BNIP2: variants seen among roughly 807,000 people sequenced by gnomAD.
The protein encoded by BNIP2 is BCL2 interacting protein 2, also known as BCL2/adenovirus E1B 19 kDa protein-interacting protein 2.
A neutral mutation model predicts 43.4 loss-of-function variants in BNIP2; 36 were observed. The ratio of observed to expected loss-of-function variants is 0.83; its 90% CI spans 0.64 to 1.10. The LOEUF is 1.10. BNIP2 is among the 50% of genes least tolerant of loss of function. The pLI is 0.00. For synonymous variants in BNIP2, 146 were observed against 121.0 expected (o/e 1.21, Z -1.35); for missense variants, 417 against 374.1 (o/e 1.11, Z -0.95).
chr15:59,669,372 A>T lies in BNIP2; in HGVS notation c.708-10T>A, dbSNP rs756532689. 18 of 1,241,112 alleles carry T rather than the reference A, an allele frequency of 1.5e-5. No homozygotes were observed. The East Asian group carries it at 2.3e-4, about 16-fold the overall frequency. 76.9% of individuals were successfully genotyped at this position (1,241,112 alleles called of 1,614,324 possible). On this transcript the variant is annotated splice_polypyrimidine_tract_variant and intron_variant, in intron 7 of 9. Transcript: ENST00000607373. ...TAGATTTTTCCGTAACCTGGAGTTT[A>T]AAAAAAAAACACACACACACAAAGA...
At chr15:59,677,811 G>C in intron 5 of BNIP2, 100 bp downstream of exon 5, 3 of 1,417,730 alleles carry the variant, frequency 2.1e-6, no homozygotes, top group Non-Finnish European at 2.8e-6. Context: ...CCTGTGTTCT[G>C]TACAGGGCTT....
intron 5 of BNIP2, among the ~76,000 whole-genome samples, chr15:59,674,665 A>G (rs1307357591): frequency 1.3e-5 from 2 of 152,156 alleles, no homozygotes; most frequent in Non-Finnish European, 2.9e-5. Context: ...AAAAAAAATC[A>G]ATCTGCTTGA....
Position 59,662,338 on chromosome 15 carries a change from T to G in BNIP2, c.*1731A>C, listed in dbSNP as rs149255188. 3.3e-5 allele frequency: 5 copies of G among 152,338 alleles called. No individual in the cohort carries two copies. Among genetic ancestry groups the G allele is most frequent in the Non-Finnish European group, 5.9e-5 (4 of 68,026 alleles). The allele number at this position is 152,338 out of a possible 1,614,324, so 9.4% of individuals were successfully genotyped here. A position where few individuals can be genotyped will look rare whatever the true frequency, so the allele number is the denominator to read the frequency against. On this transcript the variant is annotated 3_prime_UTR_variant, in exon 10 of 10. Coordinates refer to ENST00000607373, the MANE Select transcript of BNIP2 (RefSeq NM_004330.4). ...GAATGCCTAACTTGTTATTGTTAGTTTGCTTCTTCAACAACAAGTGTTCCT... is the reference window on the plus strand; with the variant it reads ...GAATGCCTAACTTGTTATTGTTAGTGTGCTTCTTCAACAACAAGTGTTCCT...
At chr15:59,672,527 C>T in intron 6 of BNIP2, 110 bp downstream of exon 6, 1 of 759,038 alleles carries the variant, frequency 1.3e-6, no homozygotes, top group Non-Finnish European at 2.1e-6. Flanking sequence ...CCACTTCAGT[C>T]TCCCAAAGAA....
intron 4 of BNIP2, 125 bp downstream of exon 4, chr15:59,679,467 T>C: frequency 8.8e-7 from 1 of 1,141,618 alleles, no homozygotes; most frequent in Non-Finnish European, 1.2e-6. Flanking sequence ...CTTGAGAATA[T>C]TCAAGGGTTA....
chr15:59,680,664 G>A (rs1391753699), intron 2 of BNIP2, among the ~76,000 whole-genome samples: 3 of 152,236 alleles, frequency 2.0e-5, no homozygotes, highest in Non-Finnish European at 2.9e-5. Context: ...ACCTCCCTAA[G>A]TGTTGGGATT....
chr15:59,689,259 C>G lies in BNIP2; in HGVS notation c.-182G>C. The G allele has an allele frequency of 6.5e-7, 1 of 1,544,382 alleles. No individual in the cohort carries two copies. On this transcript the variant is annotated 5_prime_UTR_variant, in exon 1 of 10. Transcript: ENST00000607373. ...CTCCCCTCGGTCGGCGGTGGAGACC[C>G]CGGCCCAATCCCCCGGCCGCAGCGG...
intron 1 of BNIP2, among the ~76,000 whole-genome samples, chr15:59,686,478 T>C (rs1235712936): frequency 6.6e-6 from 1 of 152,184 alleles, no homozygotes; most frequent in East Asian, 1.9e-4. Context: ...GGTGCTGCAA[T>C]AGGTGCCAGT....
intron 2 of BNIP2, among the ~76,000 whole-genome samples, chr15:59,681,826 CAAAAACAAAA>C (rs1893694027): frequency 6.6e-6 from 1 of 151,818 alleles, no homozygotes; most frequent in African/African-American, 2.4e-5. Context: ...TAAATGAAAA[CAAAAACAAAA>C]CAAAACAAAC....
chr15:59,672,693 A>G lies in BNIP2; in HGVS notation c.519T>C (p.Cys173=). 2 of 1,613,864 alleles carry G rather than the reference A, an allele frequency of 1.2e-6. No homozygotes were observed. Among genetic ancestry groups the G allele is most frequent in the Non-Finnish European group, 1.7e-6 (2 of 1,179,810 alleles). The change falls in exon 6 of 10, where the codon TGT becomes TGC. Residue 173 remains cysteine (C), a synonymous_variant. Transcript: ENST00000607373. ...TAGGCTGACTACTTTCAGGCATGAA[A>G]CAGACAGCAAACACAACAATGGCAT... ...GLNAIVVFAV[C]FMPESSQPNY... is the part of the protein sequence containing the mutation.
At chr15:59,679,517 G>A (rs1156309208) in intron 4 of BNIP2, 75 bp downstream of exon 4, 2 of 1,420,828 alleles carry the variant, frequency 1.4e-6, no homozygotes, top group Non-Finnish European at 1.9e-6. Context: ...ATGAACTTTA[G>A]AAAGAATGAT....
intron 2 of BNIP2, 98 bp downstream of exon 2, chr15:59,682,309 AG>A: frequency 9.6e-7 from 1 of 1,043,242 alleles, no homozygotes; most frequent in Non-Finnish European, 1.4e-6. Context: ...CCTGGGCAAC[AG>A]AGCAAGACTC....
intron 2 of BNIP2, among the ~76,000 whole-genome samples, chr15:59,681,040 C>T (rs1189833065): frequency 6.6e-6 from 1 of 152,194 alleles, no homozygotes; most frequent in Non-Finnish European, 1.5e-5. Context: ...ACAAATATGA[C>T]TGAAATGCAC....
chr15:59,681,807 G>A (rs1417468269), intron 2 of BNIP2, among the ~76,000 whole-genome samples: 1 of 152,052 alleles, frequency 6.6e-6, no homozygotes, highest in African/African-American at 2.4e-5. Context: ...GAATCCCTCA[G>A]ATCTTGTTTA....
In BNIP2 at chr15:59,678,101, A is replaced by C. The variant is rs1893426040; in HGVS notation, c.296-14T>G. 1 of 1,593,148 alleles carries C rather than the reference A, an allele frequency of 6.3e-7. No homozygotes were observed. Among genetic ancestry groups the C allele is most frequent in the Non-Finnish European group, 8.5e-7 (1 of 1,171,812 alleles). On this transcript the variant is annotated splice_polypyrimidine_tract_variant and intron_variant, in intron 4 of 9. Coordinates refer to ENST00000607373, the MANE Select transcript of BNIP2 (RefSeq NM_004330.4). ...TTGGAAGATCATCTGTCAAAATACA[A>C]AGTTTTTGAATCACAAATTGTTACA...
In BNIP2 at chr15:59,664,064, C is replaced by T. The variant is rs1440251448; in HGVS notation, c.*5G>A. On this transcript the variant is annotated 3_prime_UTR_variant, in exon 10 of 10. Transcript: ENST00000607373. ...CTTCAGTCTTGTTTGGACTAGATGCCAAACTTACTGTTCATTTTTCGGTTC... is the reference window on the plus strand; with the variant it reads ...CTTCAGTCTTGTTTGGACTAGATGCTAAACTTACTGTTCATTTTTCGGTTC... 10 of 1,546,042 alleles carry T rather than the reference C, an allele frequency of 6.5e-6. No individual in the cohort carries two copies. Among genetic ancestry groups the T allele is most frequent in the Non-Finnish European group, 8.7e-6 (10 of 1,143,256 alleles).
At chr15:59,684,170 AT>A (rs570429711) in intron 1 of BNIP2, among the ~76,000 whole-genome samples, 128 of 152,306 alleles carry the variant, frequency 8.4e-4, no homozygotes, top group African/African-American at 3.0e-3. Flanking sequence ...CCCAGTTTGA[AT>A]TTTTACTTAC....
At chr15:59,668,375 T>C (rs570303663) in intron 9 of BNIP2, among the ~76,000 whole-genome samples, 3 of 152,348 alleles carry the variant, frequency 2.0e-5, no homozygotes, top group Admixed American at 2.0e-4. Context: ...TACTCAGTTA[T>C]TTATGTTAAC....
rs577846213 is a variant in BNIP2, at chr15:59,663,863, G to A, written c.*206C>T. On this transcript the variant is annotated 3_prime_UTR_variant, in exon 10 of 10. Coordinates refer to ENST00000607373, the MANE Select transcript of BNIP2 (RefSeq NM_004330.4). ...ATATAAAACGATAATAATACAGTTA[G>A]CTATTAAAGAGCTAAATTCAAGAAA... 2.6e-6 allele frequency: 1 copy of A among 388,844 alleles called. No individual in the cohort carries two copies. Among genetic ancestry groups the A allele is most frequent in the East Asian group, 3.8e-5 (1 of 26,456 alleles). The allele number at this position is 388,844 out of a possible 1,614,324, so 24.1% of individuals were successfully genotyped here. A position where few individuals can be genotyped will look rare whatever the true frequency, so the allele number is the denominator to read the frequency against.
Sources: gnomAD v4.1 joint callset for allele counts (sites outside exome capture counted in the v4.1 genomes callset) on GRCh38, gnomAD v4.1.1 for gene constraint, MANE v1.5 for transcripts, NCBI Gene and HGNC (gene_info 2026-07-23, HGNC 2026-07-21) for gene names.